ASIC2: variants seen among roughly 807,000 people sequenced by gnomAD.
ASIC2 encodes the protein acid-sensing ion channel 2.
In ASIC2, 25 loss-of-function variants were observed where a neutral mutation model predicts 57.3. The observed-to-expected ratio is 0.44, with a 90% CI of 0.32 to 0.61. The LOEUF (loss-of-function observed/expected upper bound fraction) is 0.61, where lower values mean the gene tolerates loss of function less well. ASIC2 is among the 20% of genes least tolerant of loss of function. The probability of loss-of-function intolerance (pLI) is 0.06; values close to 1 mark genes in which losing one functional copy is unlikely to be tolerated. For synonymous variants in ASIC2, 319 were observed against 307.5 expected, an observed-to-expected ratio of 1.04 and a Z score of -0.39; for missense variants, 641 against 738.1, an observed-to-expected ratio of 0.87 and a Z score of 1.52.
intron 1 of ASIC2, chr17:33,794,682 C>T (rs1208229672): frequency 6.6e-6 from 1 of 152,158 alleles, no homozygotes; most frequent in African/African-American, 2.4e-5. Context: ...GGTGAGCCCT[C>T]CGAGGCCATT....
At chr17:33,030,168 G>A (rs1343328439) in intron 3 of ASIC2, among the ~76,000 whole-genome samples, 1 of 152,028 alleles carries the variant, frequency 6.6e-6, no homozygotes, top group East Asian at 1.9e-4. Context: ...CCATTTTAAT[G>A]TTCAATTTAA....
chr17:33,509,850 G>A (rs1285429828), intron 1 of ASIC2, among the ~76,000 whole-genome samples: 1 of 152,204 alleles, frequency 6.6e-6, no homozygotes, highest in Non-Finnish European at 1.5e-5. Flanking sequence ...AGGAGGCCTG[G>A]GTTCTGCCCT....
chr17:33,251,514 A>T (rs1908880860), intron 1 of ASIC2, among the ~76,000 whole-genome samples: 1 of 152,090 alleles, frequency 6.6e-6, no homozygotes, highest in South Asian at 2.1e-4. Flanking sequence ...TTTTTGTGGA[A>T]ACAGGGTCTT....
intron 3 of ASIC2, among the ~76,000 whole-genome samples, chr17:33,062,065 A>G (rs1354007319): frequency 2.0e-5 from 3 of 151,916 alleles, no homozygotes; most frequent in Non-Finnish European, 4.4e-5. Flanking sequence ...CTTCTTTATT[A>G]GTCTTGCTAG....
At position 34,073,748 on chromosome 17, in the gene ASIC2, G is replaced by A. The variant is rs1352678543; in HGVS notation, c.555+82230C>T. On this transcript the variant is annotated intron_variant, in intron 1 of 9. Coordinates refer to the ASIC2 transcript ENST00000359872. ...ATTCACTCAGCTTGTCTATCTAGAG[G>A]TCAAAACTTATCCAGTCAGAAGAAA... 2.0e-5 allele frequency among the ~76,000 whole-genome samples: 3 copies of A among 152,238 alleles called. No individual in the cohort carries two copies. The East Asian group carries it at 5.8e-4, about 29-fold the overall frequency.
At chr17:34,040,868 C>A (rs1908103928) in intron 1 of ASIC2, among the ~76,000 whole-genome samples, 1 of 152,216 alleles carries the variant, frequency 6.6e-6, no homozygotes, top group South Asian at 2.1e-4. Flanking sequence ...ATTAACTAGT[C>A]ATCATGCAAT....
At chr17:33,276,425 T>G (rs866540015) in intron 1 of ASIC2, among the ~76,000 whole-genome samples, 10 of 152,182 alleles carry the variant, frequency 6.6e-5, no homozygotes, top group Admixed American at 6.5e-4. Context: ...TGCCCTGTTA[T>G]TGGCACGGCT....
chr17:34,003,617 C>A (rs1906420455), intron 1 of ASIC2: 1 of 151,986 alleles, frequency 6.6e-6, no homozygotes, highest in South Asian at 2.1e-4. Context: ...AGGTGCTTTG[C>A]GTGTTTTCTT....
At chr17:34,064,788 T>C (rs899622498) in intron 1 of ASIC2, among the ~76,000 whole-genome samples, 4 of 152,046 alleles carry the variant, frequency 2.6e-5, no homozygotes, top group African/African-American at 9.7e-5. Context: ...ATGCTCAACA[T>C]CACTAATGAT....
At chr17:33,183,770 T>A (rs1906080134) in intron 1 of ASIC2, among the ~76,000 whole-genome samples, 2 of 152,184 alleles carry the variant, frequency 1.3e-5, no homozygotes, top group South Asian at 4.1e-4. Flanking sequence ...TCCTGTGGTT[T>A]ATATGAGATT....
intron 1 of ASIC2, among the ~76,000 whole-genome samples, chr17:33,651,728 G>A (rs1906924975): frequency 6.6e-6 from 1 of 152,190 alleles, no homozygotes; most frequent in Admixed American, 6.5e-5. Context: ...GAGAGAGGTG[G>A]GCAGTAAAAC....
At chr17:33,748,210 G>A (rs1000076639) in intron 1 of ASIC2, among the ~76,000 whole-genome samples, 3 of 152,134 alleles carry the variant, frequency 2.0e-5, no homozygotes, top group Non-Finnish European at 2.9e-5. Flanking sequence ...TTAAGCACCC[G>A]CCTCCTGGTG....
chr17:33,294,290 T>A (rs536741512), upstream of ASIC2, among the ~76,000 whole-genome samples: 1 of 152,222 alleles, frequency 6.6e-6, no homozygotes, highest in Admixed American at 6.5e-5. Context: ...GGGAGGATGC[T>A]CCAGTGGAAG....
chr17:33,400,790 G>T (rs1268908040), intron 1 of ASIC2, among the ~76,000 whole-genome samples: 2 of 151,922 alleles, frequency 1.3e-5, no homozygotes, highest in African/African-American at 2.4e-5. Flanking sequence ...ACTCTTTCTG[G>T]TTCCTACCTG....
At chr17:33,076,927 T>A (rs2092091150) in intron 3 of ASIC2, among the ~76,000 whole-genome samples, 1 of 152,192 alleles carries the variant, frequency 6.6e-6, no homozygotes, top group South Asian at 2.1e-4. Flanking sequence ...GAGTATGTAT[T>A]TCTTTAGGGC....
intron 1 of ASIC2, among the ~76,000 whole-genome samples, chr17:33,812,489 T>C (rs1273653916): frequency 2.0e-5 from 3 of 151,940 alleles, no homozygotes; most frequent in East Asian, 3.9e-4. Flanking sequence ...CAGAGGGAAA[T>C]TGTGCTTGCT....
At chr17:33,230,911 AAAAAATTATTGATTT>A (rs1299652317) in intron 1 of ASIC2, among the ~76,000 whole-genome samples, 1 of 152,224 alleles carries the variant, frequency 6.6e-6, no homozygotes, top group African/African-American at 2.4e-5. Context: ...AGGCGTCTTT[AAAAAATTATTGATTT>A]AAAAATTATT....
intron 1 of ASIC2, among the ~76,000 whole-genome samples, chr17:33,728,597 T>C (rs1333511915): frequency 2.0e-5 from 3 of 152,114 alleles, no homozygotes; most frequent in African/African-American, 7.2e-5. Context: ...TAATTTAAAC[T>C]CTGGATTCAT....
chr17:34,048,869 T>C (rs1908436282), intron 1 of ASIC2, among the ~76,000 whole-genome samples: 1 of 152,232 alleles, frequency 6.6e-6, no homozygotes, highest in South Asian at 2.1e-4. Context: ...ATTGATTGAC[T>C]TGGGGGCTCT....
Sources: gnomAD v4.1 joint callset for allele counts (sites outside exome capture counted in the v4.1 genomes callset) on GRCh38, gnomAD v4.1.1 for gene constraint, MANE v1.5 for transcripts, NCBI Gene and HGNC (gene_info 2026-07-23, HGNC 2026-07-21) for gene names.